The following MYH10 variants were observed in gnomAD, a reference collection of about 807,000 sequenced individuals.
The protein encoded by MYH10 is myosin heavy chain 10.
MYH10 carries 55 observed loss-of-function variants against 257.8 expected under a neutral mutation model. The ratio of observed to expected loss-of-function variants is 0.21; its 90% CI spans 0.17 to 0.27. The LOEUF is 0.27. MYH10 is among the 10% of genes least tolerant of loss of function. The probability of loss-of-function intolerance (pLI) is 1.00; values close to 1 mark genes in which losing one functional copy is unlikely to be tolerated. For missense variants in MYH10, 1,631 were observed against 2,500.6 expected (o/e 0.65, Z 7.42); for synonymous variants, 854 against 921.7 (o/e 0.93, Z 1.33).
chr17:8,511,067 T>TATATATATATATATATATATAC (rs2081274926), intron 24 of MYH10: 1 of 51,556 alleles, frequency 1.9e-5, no homozygotes, highest in Admixed American at 1.7e-4. Flanking sequence ...TATACACACA[T>TATATATATATATATATATATAC]ACATACATAC....
chr17:8,508,884 T>C (rs1023834805), intron 25 of MYH10, among the ~76,000 whole-genome samples: 14 of 152,298 alleles, frequency 9.2e-5, no homozygotes, highest in Non-Finnish European at 1.2e-4. Context: ...CCTAAGATGA[T>C]CATGGAGCTG....
intron 28 of MYH10, among the ~76,000 whole-genome samples, chr17:8,502,173 C>T (rs1322762368): frequency 2.0e-5 from 3 of 152,226 alleles, no homozygotes; most frequent in Middle Eastern, 3.2e-3. Flanking sequence ...TCATCCCTCT[C>T]TTCACCTCTC....
intron 17 of MYH10, among the ~76,000 whole-genome samples, chr17:8,521,798 T>C (rs1471664508): frequency 1.3e-5 from 2 of 152,194 alleles, no homozygotes; most frequent in African/African-American, 2.4e-5. Context: ...CATTCAAGTT[T>C]TAGGAACAAA....
rs189403527 is a variant in MYH10 at position 8,517,399 on chromosome 17, A to G, written c.2504+1232T>C. Among the ~76,000 whole-genome samples, 375 of 152,300 alleles carry G rather than the reference A, an allele frequency of 2.5e-3. 2 individuals are homozygous for G. Among genetic ancestry groups the G allele is most frequent in the African/African-American group, 8.5e-3 (352 of 41,566 alleles). On this transcript the variant is annotated intron_variant, in intron 21 of 42. Transcript: ENST00000360416. Reference sequence around the variant, plus strand: ...CCACATGTAGAGTACATTATTACAGAGTGCTGACTTCCAGTCCAGGTGTTC... The same window carrying G: ...CCACATGTAGAGTACATTATTACAGGGTGCTGACTTCCAGTCCAGGTGTTC...
At position 8,506,085 on chromosome 17, in the gene MYH10, T is replaced by A; in HGVS notation, c.3386+233A>T. The A allele has an allele frequency of 2.3e-6, 1 of 435,206 alleles. No homozygotes were observed. Among genetic ancestry groups the A allele is most frequent in the African/African-American group, 2.1e-5 (1 of 48,780 alleles). The allele number at this position is 435,206 out of a possible 1,614,324, so 27.0% of individuals were successfully genotyped here. A position where few individuals can be genotyped will look rare whatever the true frequency, so the allele number is the denominator to read the frequency against. ...GTTCTGGTGTGAATTTCCAAGGGTT[T>A]CATAATATAATTTGTCATTTTAAAG... On this transcript the variant is annotated intron_variant, in intron 27 of 42. Transcript: ENST00000360416. This position sits in a 1 kb window ranked among gnomAD's most constrained non-coding sequence, Gnocchi z 5.0.
At chr17:8,510,859 T>A (rs2081244808) in intron 24 of MYH10, among the ~76,000 whole-genome samples, 1 of 151,756 alleles carries the variant, frequency 6.6e-6, no homozygotes, top group Non-Finnish European at 1.5e-5. Flanking sequence ...GAGCATAGAG[T>A]TTACATGTAT....
intron 4 of MYH10, among the ~76,000 whole-genome samples, chr17:8,578,243 C>CTTTTTT (rs5819199): frequency 4.6e-5 from 6 of 129,210 alleles, no homozygotes; most frequent in Non-Finnish European, 7.9e-5. Flanking sequence ...TTCTTTCTTT[C>CTTTTTT]TTTTTTTTTT....
chr17:8,488,973 G>C (rs1915323659), intron 35 of MYH10, among the ~76,000 whole-genome samples: 1 of 152,134 alleles, frequency 6.6e-6, no homozygotes, highest in Non-Finnish European at 1.5e-5. Flanking sequence ...ATGTGGGCCA[G>C]ACTTAGTGAC....
At chr17:8,605,243 C>T (rs1486938834) in intron 2 of MYH10, among the ~76,000 whole-genome samples, 3 of 152,176 alleles carry the variant, frequency 2.0e-5, no homozygotes, top group African/African-American at 7.2e-5. Flanking sequence ...ATAATGCGAG[C>T]TTCCTGACTT....
chr17:8,535,452 T>C lies in MYH10; in HGVS notation c.1829A>G (p.Asn610Ser). ...GTGCAAAAGGGTGGCCACGTTGTCA[T>C]TCAGGGGGTCCATATTCTTCATCAG... Reference protein sequence around the residue: ...EWLMKNMDPLNDNVATLLHQS... With the variant: ...EWLMKNMDPLSDNVATLLHQS... The change falls in exon 16 of 43, where the codon AAT becomes AGT. Residue 610 changes from asparagine to serine, a missense_variant. By Grantham distance (46) the Asn-to-Ser change is conservative. This residue lies in a region of MYH10 where 96 missense variants were observed against 146.2 expected (regional missense o/e 0.66). Transcript: ENST00000360416. This position sits in a 1 kb window ranked among gnomAD's most constrained non-coding sequence, Gnocchi z 4.3. The C allele has an allele frequency of 6.2e-7, 1 of 1,614,112 alleles. No homozygotes were observed. The highest frequency in any genetic ancestry group is 8.5e-7 in the Non-Finnish European group (1 of 1,179,992).
intron 2 of MYH10, among the ~76,000 whole-genome samples, chr17:8,617,841 T>G (rs2085326165): frequency 6.6e-6 from 1 of 152,182 alleles, no homozygotes; most frequent in South Asian, 2.1e-4. Context: ...CTTTTTGCAC[T>G]CTTAGAAATT....
chr17:8,499,179 G>C (rs1220440470), intron 30 of MYH10, 91 bp downstream of exon 30: 2 of 1,297,954 alleles, frequency 1.5e-6, no homozygotes, highest in Non-Finnish European at 1.1e-6. Flanking sequence ...CAGCACATTG[G>C]CCATGGGTCT....
At chr17:8,577,682 C>T (rs1330088899) in intron 4 of MYH10, among the ~76,000 whole-genome samples, 1 of 152,314 alleles carries the variant, frequency 6.6e-6, no homozygotes, top group Non-Finnish European at 1.5e-5. Context: ...CATGCACACA[C>T]CACCATGCCC....
In MYH10 at chr17:8,499,347, C is replaced by T. The variant is rs1366087342; in HGVS notation, c.3874G>A (p.Val1292Ile). Reference sequence around the variant, plus strand: ...GAGACCTTGGCATGGAGCTCCTGGACCTGCGCGTCGAGCTTCTTCCTCTTG... The same window carrying T: ...GAGACCTTGGCATGGAGCTCCTGGATCTGCGCGTCGAGCTTCTTCCTCTTG... The part of the protein sequence containing the change: ...EHKRKKLDAQ[V>I]QELHAKVSEG... Residue 1292 changes from valine to isoleucine, a missense_variant, in exon 30 of 43, where the codon GTC (valine) becomes ATC (isoleucine). This residue lies in a region of MYH10 where 463 missense variants were observed against 621.8 expected (regional missense o/e 0.74). Coordinates refer to ENST00000360416, the MANE Select transcript of MYH10 (RefSeq NM_001256012.3). The T allele has an allele frequency of 1.2e-6, 2 of 1,614,144 alleles. No individual in the cohort carries two copies. Among genetic ancestry groups the T allele is most frequent in the South Asian group, 1.1e-5 (1 of 91,082 alleles).
chr17:8,585,288 G>GTGTATATATATATATATATATATATA (rs1282490980), intron 4 of MYH10, among the ~76,000 whole-genome samples: 4 of 99,326 alleles, frequency 4.0e-5, no homozygotes, highest in Non-Finnish European at 6.0e-5. Context: ...GTGTGTGTGT[G>GTGTATATATATATATATATATATATA]TATATATATA....
At chr17:8,581,868 T>G (rs2083720152) in intron 4 of MYH10, among the ~76,000 whole-genome samples, 1 of 152,204 alleles carries the variant, frequency 6.6e-6, no homozygotes. Context: ...AGCTACAGAA[T>G]CAAAATGACC....
At position 8,474,683 on chromosome 17, in the gene MYH10, C is replaced by CGT. The variant is rs1035706890; in HGVS notation, c.*1119_*1120dup. The CGT allele has an allele frequency of 2.3e-4, 35 of 152,656 alleles. No homozygotes were observed. Among genetic ancestry groups the CGT allele is most frequent in the African/African-American group, 8.2e-4 (34 of 41,520 alleles). The allele number at this position is 152,656 out of a possible 1,614,324, so 9.5% of individuals were successfully genotyped here. On this transcript the variant is annotated 3_prime_UTR_variant, in exon 43 of 43. Coordinates refer to ENST00000360416, the MANE Select transcript of MYH10 (RefSeq NM_001256012.3). ...GTACTGTAGTGTCTAAGGCACTTTC[C>CGT]GTAATGTCAGTTTGCTTAACTACCA...
At chr17:8,548,913 A>G in intron 9 of MYH10, 126 bp from the exon 10 acceptor site, 1 of 697,740 alleles carries the variant, frequency 1.4e-6, no homozygotes, top group South Asian at 2.5e-5. Flanking sequence ...TTGCCAGCAA[A>G]ATGTTTTTTT....
At chr17:8,587,146 C>T (rs1247270821) in intron 4 of MYH10, among the ~76,000 whole-genome samples, 1 of 152,142 alleles carries the variant, frequency 6.6e-6, no homozygotes, top group Non-Finnish European at 1.5e-5. Context: ...ACCAAGGCAC[C>T]CCCACCAACA....
Sources: gnomAD v4.1 joint callset for allele counts (sites outside exome capture counted in the v4.1 genomes callset) on GRCh38, gnomAD v4.1.1 for gene constraint, gnomAD v4.1.1 regional missense constraint, Gnocchi (gnomAD v3.1) non-coding constraint, MANE v1.5 for transcripts, NCBI Gene and HGNC (gene_info 2026-07-23, HGNC 2026-07-21) for gene names.